The following KRABD2 variants were observed in gnomAD, a reference collection of about 807,000 sequenced individuals.
KRABD2 encodes KRAB domain-containing protein 2.
chr17:8,375,286 C>T, the KRABD2 span, among the ~76,000 whole-genome samples: 1 of 152,242 alleles, frequency 6.6e-6, no homozygotes, highest in African/African-American at 2.4e-5. Context: ...GCTGGGATTA[C>T]AGGCGTGAGC....
the KRABD2 span, chr17:8,371,181 T>G: frequency 1.2e-6 from 1 of 836,720 alleles, no homozygotes; most frequent in Non-Finnish European, 1.8e-6. Context: ...AAAAAAAAAT[T>G]TCTTATGGCT....
chr17:8,367,792 T>C, the KRABD2 span, among the ~76,000 whole-genome samples: 1 of 151,852 alleles, frequency 6.6e-6, no homozygotes, highest in South Asian at 2.1e-4. Context: ...TTAAGGAGCA[T>C]GCTGCCTTCA....
chr17:8,371,452 C>T, the KRABD2 span: 1 of 1,613,990 alleles, frequency 6.2e-7, no homozygotes, highest in Non-Finnish European at 8.5e-7. Flanking sequence ...CCACAGGGAC[C>T]ATATAGTCTT....
the KRABD2 span, among the ~76,000 whole-genome samples, chr17:8,373,104 C>A: frequency 6.6e-6 from 1 of 151,824 alleles, no homozygotes; most frequent in African/African-American, 2.4e-5. Flanking sequence ...CTCCCTCTTC[C>A]TCTCTCCATC....
chr17:8,376,148 T>G, the KRABD2 span: 6 of 1,231,724 alleles, frequency 4.9e-6, no homozygotes, highest in Non-Finnish European at 6.1e-6. Flanking sequence ...GTACCCCCTT[T>G]GGAGGGCCCA....
the KRABD2 span, among the ~76,000 whole-genome samples, chr17:8,361,440 AC>A: frequency 6.6e-6 from 1 of 152,184 alleles, no homozygotes; most frequent in African/African-American, 2.4e-5. Context: ...TCTTCCTGCC[AC>A]CCCACACAAA....
the KRABD2 span, among the ~76,000 whole-genome samples, chr17:8,375,522 A>G: frequency 7.2e-6 from 1 of 137,990 alleles, no homozygotes; most frequent in African/African-American, 2.8e-5. Flanking sequence ...AGCTTTCAAT[A>G]TCTTTTTTCT....
chr17:8,371,002 C>T, the KRABD2 span, among the ~76,000 whole-genome samples: 1 of 152,104 alleles, frequency 6.6e-6, no homozygotes, highest in Non-Finnish European at 1.5e-5. Flanking sequence ...AACCCCATCT[C>T]TACTAAAAAT....
At chr17:8,370,076 T>G in the KRABD2 span, 831 of 1,614,120 alleles carry the variant, frequency 5.1e-4, no homozygotes, top group Non-Finnish European at 6.1e-4. Context: ...GATCACGTTC[T>G]CCATGAGTAG....
chr17:8,366,394 G>A, the KRABD2 span, among the ~76,000 whole-genome samples: 1 of 152,118 alleles, frequency 6.6e-6, no homozygotes. Flanking sequence ...GCCAACTCTT[G>A]CATTTTGTTC....
chr17:8,374,628 TAA>T, the KRABD2 span, among the ~76,000 whole-genome samples: 293 of 71,420 alleles, frequency 4.1e-3, 3 homozygotes, highest in African/African-American at 0.015. Context: ...CAATAAATAC[TAA>T]AAAAAAAAAA....
the KRABD2 span, chr17:8,372,080 T>C: frequency 1.6e-5 from 16 of 985,178 alleles, no homozygotes; most frequent in Non-Finnish European, 1.8e-5. The surrounding 1 kb of genome is among the most constrained non-coding windows in gnomAD (Gnocchi z 4.1). Flanking sequence ...CAGGGCAGAA[T>C]CCTGAGAAGC....
the KRABD2 span, chr17:8,359,612 C>T: frequency 2.2e-6 from 1 of 455,962 alleles, no homozygotes; most frequent in Non-Finnish European, 4.4e-6. Flanking sequence ...AGAGCTGGTC[C>T]AGGAAAAGCC....
chr17:8,376,476 C>T, the KRABD2 span: 2 of 1,013,318 alleles, frequency 2.0e-6, no homozygotes, highest in Non-Finnish European at 2.4e-6. Context: ...TCCTGAGGAC[C>T]GGGCTGGGAT....
the KRABD2 span, chr17:8,376,653 A>T: frequency 1.5e-5 from 15 of 985,460 alleles, no homozygotes; most frequent in Non-Finnish European, 1.7e-5. Context: ...GGGACACACC[A>T]GACGCGGCGT....
At chr17:8,375,950 T>G in the KRABD2 span, 1 of 1,230,614 alleles carries the variant, frequency 8.1e-7, no homozygotes, top group Non-Finnish European at 1.0e-6. Flanking sequence ...CTCGCATTGA[T>G]CCTCCCAATC....
the KRABD2 span, among the ~76,000 whole-genome samples, chr17:8,374,100 C>T: frequency 5.3e-5 from 8 of 152,258 alleles, no homozygotes; most frequent in East Asian, 1.4e-3. Flanking sequence ...GCCCCTCTGC[C>T]GGGCCGCCAC....
the KRABD2 span, among the ~76,000 whole-genome samples, chr17:8,373,031 G>A: frequency 1.3e-5 from 2 of 152,068 alleles, no homozygotes; most frequent in Non-Finnish European, 2.9e-5. Flanking sequence ...TAGAGTCCAG[G>A]GTCTACAATT....
At chr17:8,364,515 G>A in the KRABD2 span, among the ~76,000 whole-genome samples, 2,954 of 152,236 alleles carry the variant, frequency 0.019, 109 homozygotes, top group African/African-American at 0.068. The surrounding 1 kb of genome is among the most constrained non-coding windows in gnomAD (Gnocchi z 4.4). Context: ...ACCATGCCCC[G>A]CAGTGGCCTT....
Sources: gnomAD v4.1 joint callset for allele counts (sites outside exome capture counted in the v4.1 genomes callset) on GRCh38, gnomAD v4.1.1 for gene constraint, Gnocchi (gnomAD v3.1) non-coding constraint, MANE v1.5 for transcripts, NCBI Gene and HGNC (gene_info 2026-07-23, HGNC 2026-07-21) for gene names.